Variants in GXYLT1 observed in about 807,000 individuals in gnomAD.
GXYLT1 encodes glycosyltransferase 8 domain containing 3.
In GXYLT1, 29 loss-of-function variants were observed where a neutral mutation model predicts 54.0. The observed-to-expected ratio is 0.54, with a 90% CI of 0.40 to 0.73. The LOEUF is 0.73. Among genes scored for constraint, GXYLT1 ranks in the 30% least tolerant of loss-of-function variants. The pLI is 0.00. For synonymous variants in GXYLT1, 176 were observed against 204.1 expected, an observed-to-expected ratio of 0.86 and a Z score of 1.17; for missense variants, 490 against 553.4, an observed-to-expected ratio of 0.89 and a Z score of 1.15.
At chr12:42,127,750 G>A (rs2065571799) in intron 2 of GXYLT1, among the ~76,000 whole-genome samples, 1 of 152,074 alleles carries the variant, frequency 6.6e-6, no homozygotes, top group African/African-American at 2.4e-5. Context: ...AAGGCAAAGT[G>A]GTTCTTGTCA....
At chr12:42,116,984 T>A (rs1374643360) in intron 3 of GXYLT1, among the ~76,000 whole-genome samples, 1 of 151,646 alleles carries the variant, frequency 6.6e-6, no homozygotes, top group Non-Finnish European at 1.5e-5. Context: ...TGTAGGGACA[T>A]GGATGAAGCT....
chr12:42,096,548 G>A (rs2065356687), intron 7 of GXYLT1, among the ~76,000 whole-genome samples: 1 of 152,140 alleles, frequency 6.6e-6, no homozygotes, highest in Admixed American at 6.5e-5. Flanking sequence ...ATCAATATAT[G>A]TGCAAAAGGG....
At chr12:42,106,304 A>T (rs574465709) in intron 4 of GXYLT1, among the ~76,000 whole-genome samples, 2 of 152,226 alleles carry the variant, frequency 1.3e-5, no homozygotes, top group Non-Finnish European at 2.9e-5. Context: ...CAAAATACTC[A>T]ATTATAAAAA....
chr12:42,135,353 T>C (rs1170767215), intron 1 of GXYLT1, among the ~76,000 whole-genome samples: 1 of 152,222 alleles, frequency 6.6e-6, no homozygotes, highest in African/African-American at 2.4e-5. Context: ...TATGGGGTTG[T>C]TACAAAGCAA....
chr12:42,098,224 AG>A (rs1488918853), intron 5 of GXYLT1, among the ~76,000 whole-genome samples, 191 bp from the exon 6 acceptor site: 1 of 152,194 alleles, frequency 6.6e-6, no homozygotes, highest in Non-Finnish European at 1.5e-5. Context: ...AGATAACAAA[AG>A]GAAGTTGTAT....
intron 1 of GXYLT1, among the ~76,000 whole-genome samples, chr12:42,133,474 G>A (rs1052918449): frequency 1.3e-5 from 2 of 152,120 alleles, no homozygotes; most frequent in Non-Finnish European, 2.9e-5. Context: ...AGAAGCCCAA[G>A]GCACATGCAG....
chr12:42,128,516 T>C (rs2065576350), intron 2 of GXYLT1, among the ~76,000 whole-genome samples: 1 of 152,136 alleles, frequency 6.6e-6, no homozygotes, highest in Non-Finnish European at 1.5e-5. Flanking sequence ...TCTTCCCTGA[T>C]GCTTTAAGAT....
Position 42,144,444 on chromosome 12 carries a change from T to C in GXYLT1, c.203A>G (p.His68Arg). 6 of 1,319,822 alleles carry C rather than the reference T, an allele frequency of 4.5e-6. No homozygotes were observed. The highest frequency in any genetic ancestry group is 5.8e-6 in the Non-Finnish European group (6 of 1,042,050). 81.8% of individuals were successfully genotyped at this position (1,319,822 alleles called of 1,614,324 possible). ...CCCGTACCTGTCCGACACGCCGGGA[T>C]GCGCTGCGGGGCCCGCGACGCCGGC... ...RGAGVAGPAA[H>R]PGVSDRCKDF... The change falls in exon 1 of 8, where the codon CAT (histidine) becomes CGT (arginine). Residue 68 changes from histidine to arginine, a missense_variant. Physicochemically the swap from His to Arg is conservative, Grantham distance 29. Coordinates refer to ENST00000398675, the MANE Select transcript of GXYLT1 (RefSeq NM_173601.2).
intron 5 of GXYLT1, among the ~76,000 whole-genome samples, chr12:42,103,889 AG>A (rs1455583201): frequency 6.6e-6 from 1 of 152,176 alleles, no homozygotes; most frequent in Non-Finnish European, 1.5e-5. Context: ...AGAAAAAAAA[AG>A]AAAAAGGGAA....
rs2065586396 is a variant in GXYLT1 at position 42,130,196 on chromosome 12, C to T, written c.222-345G>A. ...TACACATATACCCCTAGAACAAAAT[C>T]CCTTTGGGACAAACAAAATATTTGC... is the stretch of plus-strand genomic sequence containing the variant. On this transcript the variant is annotated intron_variant, in intron 1 of 7. Coordinates refer to ENST00000398675, the MANE Select transcript of GXYLT1 (RefSeq NM_173601.2). 2.0e-5 allele frequency among the ~76,000 whole-genome samples: 3 copies of T among 152,254 alleles called. No homozygotes were observed. In the South Asian group the frequency reaches 6.2e-4, roughly 32 times the overall value.
rs1333197335 is a variant in GXYLT1 at position 42,085,328 on chromosome 12, C to T, written c.*2458G>A. ...GTGTGACAGTGTAAATAAGCCACAA[C>T]ATGAGTGAGACCACAGCATACAGTC... On this transcript the variant is annotated 3_prime_UTR_variant, in exon 8 of 8. Transcript: ENST00000398675. 3.3e-5 allele frequency: 5 copies of T among 152,308 alleles called. No individual in the cohort carries two copies. The highest frequency in any genetic ancestry group is 6.5e-5 in the Admixed American group (1 of 15,286). 9.4% of individuals were successfully genotyped at this position (152,308 alleles called of 1,614,324 possible). A position where few individuals can be genotyped will look rare whatever the true frequency, so the allele number is the denominator to read the frequency against.
intron 1 of GXYLT1, among the ~76,000 whole-genome samples, chr12:42,134,851 C>A (rs2065610847): frequency 6.6e-6 from 1 of 152,216 alleles, no homozygotes; most frequent in South Asian, 2.1e-4. Flanking sequence ...ACTCCATATG[C>A]TTCCCCTTGT....
At position 42,109,641 on chromosome 12, in the gene GXYLT1, T is replaced by G. The variant is rs1185654032; in HGVS notation, c.537A>C (p.Ile179=). 1 of 1,587,078 alleles carries G rather than the reference T, an allele frequency of 6.3e-7. No homozygotes were observed. The change falls in exon 4 of 8, where the codon ATA becomes ATC. Residue 179 remains isoleucine (I), a synonymous_variant. Transcript: ENST00000398675. ...LQTFNYTLYP[I]TFPSENAAEW... ...CTGCTGCATTCTCACTTGGAAAGGT[T>G]ATGGGGTATAACGTATAATTAAATG... is the stretch of plus-strand genomic sequence containing the variant.
intron 1 of GXYLT1, among the ~76,000 whole-genome samples, chr12:42,134,694 C>A (rs1212775603): frequency 2.0e-5 from 3 of 152,210 alleles, no homozygotes; most frequent in African/African-American, 7.2e-5. Flanking sequence ...TTTCACCGTA[C>A]CTTTTCAGCA....
At chr12:42,104,255 AT>A (rs11390703) in intron 5 of GXYLT1, among the ~76,000 whole-genome samples, 22 of 149,022 alleles carry the variant, frequency 1.5e-4, no homozygotes, top group African/African-American at 1.7e-4. Flanking sequence ...GAGAAGTCAC[AT>A]TTTTTTTTTT....
rs115641636 is a variant in GXYLT1, at chr12:42,118,322, A to T, written c.486+678T>A. 7.9e-3 allele frequency among the ~76,000 whole-genome samples: 1,201 copies of T among 152,330 alleles called. 13 individuals carry two copies. Among genetic ancestry groups the T allele is most frequent in the African/African-American group, 0.027 (1,112 of 41,570 alleles). ...GCTCTGATTAAGGCACTCCCAAGGA[A>T]AGGATATAGACAAAATAAATCATAG... is the stretch of plus-strand genomic sequence containing the variant. On this transcript the variant is annotated intron_variant, in intron 3 of 7. Transcript: ENST00000398675.
intron 5 of GXYLT1, among the ~76,000 whole-genome samples, chr12:42,098,590 A>C (rs886545231): frequency 1.3e-5 from 2 of 151,686 alleles, no homozygotes; most frequent in South Asian, 4.2e-4. Context: ...TCAAGGCTGC[A>C]GAGGGAGTGG....
chr12:42,113,032 A>G (rs1273617566), intron 3 of GXYLT1, among the ~76,000 whole-genome samples: 1 of 151,196 alleles, frequency 6.6e-6, no homozygotes. Flanking sequence ...AGCCAAACTA[A>G]GCTTCATAAC....
At chr12:42,108,336 A>G (rs1308378637) in intron 4 of GXYLT1, among the ~76,000 whole-genome samples, 1 of 152,156 alleles carries the variant, frequency 6.6e-6, no homozygotes, top group Non-Finnish European at 1.5e-5. Context: ...TGTTTTTTCA[A>G]TACTATTTGT....
Sources: allele counts gnomAD v4.1 joint callset (sites outside exome capture counted in the v4.1 genomes callset), GRCh38; gene constraint gnomAD v4.1.1; transcripts MANE v1.5; gene names NCBI Gene and HGNC (gene_info 2026-07-23, HGNC 2026-07-21).